Variants in MITD1 observed in about 807,000 individuals in gnomAD.
MITD1 encodes the protein MIT domain-containing protein 1.
A neutral mutation model predicts 34.9 loss-of-function variants in MITD1; 24 were observed. The observed-to-expected ratio is 0.69, with a 90% CI of 0.50 to 0.97. The LOEUF is 0.97. Among genes scored for constraint, MITD1 ranks in the 50% least tolerant of loss-of-function variants. The pLI is 0.00. For missense variants in MITD1, 266 were observed against 294.6 expected (o/e 0.90, Z 0.71); for synonymous variants, 102 against 101.4 (o/e 1.01, Z -0.04).
downstream of MITD1, chr2:99,161,880 A>AACT: frequency 7.7e-7 from 1 of 1,307,178 alleles, no homozygotes; most frequent in Non-Finnish European, 1.0e-6. Flanking sequence ...TAAATAACCG[A>AACT]TAATTGATAG....
intron 2 of MITD1, chr2:99,173,687 G>T: frequency 1.4e-5 from 8 of 559,550 alleles, no homozygotes; most frequent in Non-Finnish European, 2.2e-5. Context: ...GTTCAAAGGG[G>T]TGTCTGATAT....
chr2:99,176,784 A>G (rs1427373268), intron 1 of MITD1, among the ~76,000 whole-genome samples: 4 of 152,172 alleles, frequency 2.6e-5, no homozygotes, highest in African/African-American at 7.2e-5. Flanking sequence ...CAGGGAAGCC[A>G]AAAGATTTGT....
downstream of MITD1, among the ~76,000 whole-genome samples, chr2:99,166,878 T>C (rs2093829622): frequency 7.0e-6 from 1 of 142,796 alleles, no homozygotes; most frequent in Non-Finnish European, 1.5e-5. Flanking sequence ...TATATATATA[T>C]ATATATATAT....
At chr2:99,177,890 C>T (rs1329890269) in intron 1 of MITD1, among the ~76,000 whole-genome samples, 2 of 152,178 alleles carry the variant, frequency 1.3e-5, no homozygotes, top group South Asian at 4.1e-4. Context: ...CACTATTCTA[C>T]TCTCTACTTC....
intron 7 of MITD1, chr2:99,162,502 G>T (rs755771660): frequency 2.5e-6 from 4 of 1,614,104 alleles, no homozygotes; most frequent in Non-Finnish European, 3.4e-6. Context: ...ACTTTATTAT[G>T]TAGTACTGAT....
chr2:99,170,264 A>G (rs546707084), intron 5 of MITD1, among the ~76,000 whole-genome samples: 2 of 152,280 alleles, frequency 1.3e-5, no homozygotes, highest in African/African-American at 4.8e-5. Context: ...AGTAGACAGA[A>G]AAGTGTTCTC....
downstream of MITD1, among the ~76,000 whole-genome samples, chr2:99,168,111 C>A (rs1198058266): frequency 6.6e-6 from 1 of 152,202 alleles, no homozygotes; most frequent in African/African-American, 2.4e-5. Context: ...TTTCCTCTTA[C>A]ATATGTTAGC....
rs773477322 is a variant in MITD1 at position 99,170,547 on chromosome 2, G to A, written c.583C>T (p.Arg195Ter). The A allele has an allele frequency of 1.1e-5, 16 of 1,485,324 alleles. No individual in the cohort carries two copies. The East Asian group carries it at 2.5e-4, about 23-fold the overall frequency. The allele number at this position is 1,485,324 out of a possible 1,614,324, so 92.0% of individuals were successfully genotyped here. ...TTATTGTAGACTAACCTAATTTCTC[G>A]GTCATGTATTGAAGAAGAGTATTGA... Reference protein sequence around the residue: ...EVQYSSSIHDREIRFNNGWMI... With the variant: ...EVQYSSSIHD The change falls in exon 5 of 7, where the codon CGA becomes TGA. Residue 195 changes from arginine (R) to a stop codon, truncating the protein, a stop_gained. Transcript: ENST00000289359. LOFTEE classifies it high-confidence loss of function.
intron 5 of MITD1, among the ~76,000 whole-genome samples, chr2:99,169,947 C>G (rs578246789): frequency 6.6e-6 from 1 of 152,176 alleles, no homozygotes; most frequent in African/African-American, 2.4e-5. Flanking sequence ...GGGGAATGTG[C>G]AGGAGGAGCC....
In MITD1 at chr2:99,180,936, C is replaced by T. The variant is rs1474530552; in HGVS notation, c.46G>A (p.Ala16Thr). Reference protein sequence around the residue: ...LRQDPQSTAAATVLKRAVELD... With the variant: ...LRQDPQSTAATTVLKRAVELD... ...TCTACTGCCCGCTTTAGCACAGTGG[C>T]TGCAGCTGTGCTCTGCGGGTCCTGC... Residue 16 changes from alanine (A) to threonine (T), a missense_variant, in exon 1 of 7, where the codon GCC becomes ACC. Physicochemically the swap from Ala to Thr is moderately conservative, Grantham distance 58 (BLOSUM62 0). Coordinates refer to ENST00000289359, the MANE Select transcript of MITD1 (RefSeq NM_138798.3). The T allele has an allele frequency of 6.2e-7, 1 of 1,614,062 alleles. No homozygotes were observed. The highest frequency in any genetic ancestry group is 1.3e-5 in the African/African-American group (1 of 74,942).
chr2:99,180,892 C>A lies in MITD1; in HGVS notation c.90G>T (p.Arg30=). ...GGTAACACACCAGAGCCTGCGGATA[C>A]CGCGACTCCGAATCTAGTTCTACTG... The part of the protein sequence containing the change: ...KRAVELDSES[R]YPQALVCYQE... The change falls in exon 1 of 7, where the codon CGG becomes CGT. Residue 30 remains arginine (R), a synonymous_variant. Coordinates refer to ENST00000289359, the MANE Select transcript of MITD1 (RefSeq NM_138798.3). 2 of 1,614,212 alleles carry A rather than the reference C, an allele frequency of 1.2e-6. No homozygotes were observed. The highest frequency in any genetic ancestry group is 1.7e-6 in the Non-Finnish European group (2 of 1,180,046).
Position 99,180,977 on chromosome 2 carries a change from G to C in MITD1, c.5C>G (p.Ala2Gly). Reference protein sequence around the residue: MAKSGLRQDPQS... With the variant: MGKSGLRQDPQS... ...CGGGTCCTGCCTCAGCCCGGACTTC[G>C]CCATAATTCTGGAAGTTCTCCTCCG... Residue 2 changes from alanine to glycine, a missense_variant, in exon 1 of 7, where the codon GCG (alanine) becomes GGG (glycine). Physicochemically the swap from Ala to Gly is moderately conservative, Grantham distance 60. Transcript: ENST00000289359. The C allele has an allele frequency of 6.2e-7, 1 of 1,613,024 alleles. No individual in the cohort carries two copies. Among genetic ancestry groups the C allele is most frequent in the South Asian group, 1.1e-5 (1 of 90,920 alleles).
rs766450221 is a variant in MITD1 at position 99,180,845 on chromosome 2, AG to A, written c.136del (p.Leu46CysfsTer4). On this transcript the variant is annotated frameshift_variant, in exon 1 of 7. Coordinates refer to ENST00000289359, the MANE Select transcript of MITD1 (RefSeq NM_138798.3). LOFTEE classifies it high-confidence loss of function. ...TCATTGCTCACCTTTCAGAACCTGC[AG>A]GAGCAGATCAATCCCCTCTTGGTAA... is the stretch of plus-strand genomic sequence containing the variant. ...VCYQEGIDLL[L>X]QVLKGTKDNT... 1.9e-6 allele frequency: 3 copies of A among 1,614,120 alleles called. No individual in the cohort carries two copies. Among genetic ancestry groups the A allele is most frequent in the Admixed American group, 1.7e-5 (1 of 60,014 alleles).
Position 99,169,269 on chromosome 2 carries a change from G to C in MITD1, c.*106C>G. On this transcript the variant is annotated 3_prime_UTR_variant, in exon 7 of 7. Coordinates refer to ENST00000289359, the MANE Select transcript of MITD1 (RefSeq NM_138798.3). ...TGAATGATGGATCCATAAATTAGTA[G>C]AAATATAAAAGTTTATTGTTAAATT... 1.7e-6 allele frequency: 1 copy of C among 593,178 alleles called. No homozygotes were observed. Among genetic ancestry groups the C allele is most frequent in the Non-Finnish European group, 2.9e-6 (1 of 339,596 alleles). The allele number at this position is 593,178 out of a possible 1,614,324, so 36.7% of individuals were successfully genotyped here. A position where few individuals can be genotyped will look rare whatever the true frequency, so the allele number is the denominator to read the frequency against.
intron 7 of MITD1, among the ~76,000 whole-genome samples, chr2:99,163,452 C>T (rs1281377165): frequency 3.3e-5 from 5 of 152,082 alleles, no homozygotes; most frequent in Non-Finnish European, 5.9e-5. Flanking sequence ...CTCAGCCTCC[C>T]GAGTAGTGGG....
intron 7 of MITD1, among the ~76,000 whole-genome samples, chr2:99,164,043 CTT>C (rs1188177757): frequency 6.6e-6 from 1 of 152,114 alleles, no homozygotes; most frequent in African/African-American, 2.4e-5. Context: ...ATTTTCTACT[CTT>C]TTTGGCAGGT....
downstream of MITD1, among the ~76,000 whole-genome samples, chr2:99,166,790 G>A (rs576452823): frequency 7.5e-5 from 11 of 147,328 alleles, no homozygotes; most frequent in Non-Finnish European, 1.6e-4. Context: ...ATATTTACAT[G>A]ACCAAGTCTT....
chr2:99,168,352 G>A (rs764390081), downstream of MITD1, among the ~76,000 whole-genome samples: 1 of 152,152 alleles, frequency 6.6e-6, no homozygotes, highest in African/African-American at 2.4e-5. Context: ...TGTTGGCCAC[G>A]CTGGTCTCAA....
chr2:99,178,089 G>C (rs1353404987), intron 1 of MITD1, among the ~76,000 whole-genome samples: 1 of 152,124 alleles, frequency 6.6e-6, no homozygotes, highest in East Asian at 1.9e-4. Context: ...TTCATCTGCT[G>C]ATAGACACTT....
Sources: gnomAD v4.1 joint callset for allele counts (sites outside exome capture counted in the v4.1 genomes callset) on GRCh38, gnomAD v4.1.1 for gene constraint, MANE v1.5 for transcripts, NCBI Gene and HGNC (gene_info 2026-07-23, HGNC 2026-07-21) for gene names.